Variants in SHANK2 observed in about 807,000 individuals in gnomAD.
SHANK2 encodes SH3 and multiple ankyrin repeat domains 2.
A neutral mutation model predicts 133.7 loss-of-function variants in SHANK2; 43 were observed. The observed-to-expected ratio is 0.32, with a 90% CI of 0.25 to 0.41. The LOEUF (loss-of-function observed/expected upper bound fraction) is 0.41. Ranked by LOEUF, SHANK2 falls within the 10% of genes least tolerant of loss-of-function variation. SHANK2 has a pLI of 1.00. For synonymous variants in SHANK2, 1,017 were observed against 952.8 expected (o/e 1.07, Z -1.24); for missense variants, 1,994 against 2,235.8 (o/e 0.89, Z 2.18).
At chr11:70,549,088 G>A (rs1298442199) in intron 17 of SHANK2, among the ~76,000 whole-genome samples, 2 of 152,172 alleles carry the variant, frequency 1.3e-5, no homozygotes, top group African/African-American at 4.8e-5. Context: ...CAGGGTCTGT[G>A]GGACGCTGTG....
intron 17 of SHANK2, among the ~76,000 whole-genome samples, chr11:70,617,953 C>T (rs986753888): frequency 6.6e-5 from 10 of 151,838 alleles, no homozygotes; most frequent in African/African-American, 1.5e-4. Context: ...CAAACCTGCA[C>T]GTTGTGCACA....
intron 11 of SHANK2, among the ~76,000 whole-genome samples, chr11:70,879,137 T>C (rs1555071932): frequency 6.6e-6 from 1 of 152,156 alleles, no homozygotes; most frequent in African/African-American, 2.4e-5. Flanking sequence ...CACGGAGAAT[T>C]GGGGACCAGA....
intron 17 of SHANK2, among the ~76,000 whole-genome samples, chr11:70,532,730 A>G (rs1220036279): frequency 6.6e-6 from 1 of 152,152 alleles, no homozygotes; most frequent in Admixed American, 6.5e-5. Context: ...ACACAGAATT[A>G]CCCAATGACC....
intron 2 of SHANK2, among the ~76,000 whole-genome samples, chr11:71,153,447 G>A (rs1284500504): frequency 5.3e-5 from 8 of 152,178 alleles, no homozygotes; most frequent in Admixed American, 1.3e-4. Context: ...GCATTTTGCT[G>A]CTAACTTGCT....
intron 3 of SHANK2, among the ~76,000 whole-genome samples, chr11:71,139,170 C>A (rs1313304180): frequency 6.6e-6 from 1 of 152,172 alleles, no homozygotes; most frequent in East Asian, 1.9e-4. Context: ...GGGAGGTGGG[C>A]CAGGTCGCAA....
intron 9 of SHANK2, among the ~76,000 whole-genome samples, chr11:71,062,447 G>C (rs1232174528): frequency 1.3e-5 from 2 of 152,148 alleles, no homozygotes; most frequent in African/African-American, 4.8e-5. Flanking sequence ...AGCAAGAGAG[G>C]AGGGACCTCA....
Position 70,469,649 on chromosome 11 carries a change from A to G in SHANK2, c.*3220T>C, listed in dbSNP as rs2135642947. The G allele has an allele frequency of 6.5e-6, 1 of 152,738 alleles. No individual in the cohort carries two copies. Among genetic ancestry groups the G allele is most frequent in the South Asian group, 2.1e-4 (1 of 4,816 alleles). 9.5% of individuals were successfully genotyped at this position (152,738 alleles called of 1,614,324 possible). A position where few individuals can be genotyped will look rare whatever the true frequency, so the allele number is the denominator to read the frequency against. On this transcript the variant is annotated 3_prime_UTR_variant, in exon 26 of 26. Transcript: ENST00000601538. Reference sequence around the variant, plus strand: ...ATATTAGTATTTAAAAAACAAAAAAAAATTGTTAATGGGAAAATCAATATT... The same window carrying G: ...ATATTAGTATTTAAAAAACAAAAAAGAATTGTTAATGGGAAAATCAATATT...
intron 17 of SHANK2, among the ~76,000 whole-genome samples, chr11:70,644,491 T>TCC (rs2134173870): frequency 6.6e-6 from 1 of 152,286 alleles, no homozygotes; most frequent in South Asian, 2.1e-4. Context: ...TCCCGATGGG[T>TCC]CCCAGGCTGG....
chr11:70,697,461 G>A (rs1213675115), intron 15 of SHANK2, among the ~76,000 whole-genome samples: 1 of 152,188 alleles, frequency 6.6e-6, no homozygotes, highest in African/African-American at 2.4e-5. Context: ...ACAGACAGAA[G>A]CAGGTGGGTG....
At chr11:70,531,118 A>G (rs1458554886) in intron 17 of SHANK2, among the ~76,000 whole-genome samples, 1 of 135,030 alleles carries the variant, frequency 7.4e-6, no homozygotes, top group Non-Finnish European at 1.5e-5. Flanking sequence ...AGATGGCACC[A>G]CTGTACCCCA....
intron 14 of SHANK2, among the ~76,000 whole-genome samples, chr11:70,740,582 G>A (rs515287): frequency 0.44 from 67,286 of 151,880 alleles, 15,217 homozygotes; most frequent in African/African-American, 0.52. Context: ...AAGTCTTCCT[G>A]TTCCTCCCCC....
chr11:71,152,419 T>G (rs1168362121), intron 2 of SHANK2, among the ~76,000 whole-genome samples: 1 of 152,056 alleles, frequency 6.6e-6, no homozygotes, highest in African/African-American at 2.4e-5. Context: ...TGGCCAGAAA[T>G]TCACTGTTTT....
chr11:70,846,897 A>C (rs1949005221), intron 11 of SHANK2, among the ~76,000 whole-genome samples: 1 of 152,214 alleles, frequency 6.6e-6, no homozygotes, highest in African/African-American at 2.4e-5. Context: ...TCCCAGGCCC[A>C]GAGCATGGTT....
At chr11:71,232,495 G>A (rs1194733050) in intron 1 of SHANK2, among the ~76,000 whole-genome samples, 1 of 151,836 alleles carries the variant, frequency 6.6e-6, no homozygotes, top group Non-Finnish European at 1.5e-5. Context: ...CACCTCTGCC[G>A]CCTCTGAGAA....
At chr11:70,697,665 C>T (rs1945425562) in intron 15 of SHANK2, among the ~76,000 whole-genome samples, 1 of 152,248 alleles carries the variant, frequency 6.6e-6, no homozygotes, top group Non-Finnish European at 1.5e-5. Flanking sequence ...AATCAATCAG[C>T]TAACCCAGGT....
rs1953731164 is a variant in SHANK2 at position 71,188,919 on chromosome 11, A to G, written c.-13+35778T>C. Among the ~76,000 whole-genome samples the G allele has an allele frequency of 1.3e-5, 2 of 152,140 alleles. No individual in the cohort carries two copies. The highest frequency in any genetic ancestry group is 3.9e-4 in the East Asian group (2 of 5,186). ...GGAAGCAAACCCTGGGGTTCTCTCA[A>G]TACAGCAGGAGCGGGCCCCAGCTCC... On this transcript the variant is annotated intron_variant, in intron 2 of 25. Transcript: ENST00000601538. This position sits in a 1 kb window ranked among gnomAD's most constrained non-coding sequence, Gnocchi z 4.6.
chr11:70,689,263 G>A lies in SHANK2; in HGVS notation c.1853+9425C>T, dbSNP rs561515255. ...AGTTAAGGACATTTCCCAGAATACA[G>A]AGCAAGAAGGCAAAGAAAAAAATCT... On this transcript the variant is annotated intron_variant, in intron 15 of 25. Coordinates refer to ENST00000601538, the MANE Select transcript of SHANK2 (RefSeq NM_012309.5). Among the ~76,000 whole-genome samples the A allele has an allele frequency of 2.0e-5, 3 of 152,328 alleles. No individual in the cohort carries two copies. In the South Asian group the frequency reaches 6.2e-4, roughly 32 times the overall value.
chr11:70,596,352 G>T (rs1448839762), intron 17 of SHANK2, among the ~76,000 whole-genome samples: 1 of 152,214 alleles, frequency 6.6e-6, no homozygotes, highest in Admixed American at 6.5e-5. Context: ...CACCAGTTCC[G>T]GAAGGAGCCA....
chr11:70,559,166 C>A (rs990542112), intron 17 of SHANK2, among the ~76,000 whole-genome samples: 14 of 151,980 alleles, frequency 9.2e-5, no homozygotes, highest in Non-Finnish European at 2.1e-4. Flanking sequence ...TTACAGGCAC[C>A]TGCCACCACA....
Sources: gnomAD v4.1 joint callset for allele counts (sites outside exome capture counted in the v4.1 genomes callset) on GRCh38, gnomAD v4.1.1 for gene constraint, Gnocchi (gnomAD v3.1) non-coding constraint, MANE v1.5 for transcripts, NCBI Gene and HGNC (gene_info 2026-07-23, HGNC 2026-07-21) for gene names.